TCF12: variants seen among roughly 807,000 people sequenced by gnomAD.
TCF12 encodes the protein DNA-binding protein HTF4.
In TCF12, 45 loss-of-function variants were observed where a neutral mutation model predicts 86.0. The observed-to-expected ratio is 0.52, with a 90% CI of 0.41 to 0.67. The LOEUF is 0.67. Among genes scored for constraint, TCF12 ranks in the 30% least tolerant of loss-of-function variants. The pLI is 0.00. For missense variants in TCF12, 881 were observed against 859.9 expected, an observed-to-expected ratio of 1.02 and a Z score of -0.31; for synonymous variants, 330 against 299.6, an observed-to-expected ratio of 1.10 and a Z score of -1.05.
intron 3 of TCF12, among the ~76,000 whole-genome samples, chr15:57,053,296 T>C (rs1414107409): frequency 6.6e-6 from 1 of 152,226 alleles, no homozygotes; most frequent in Non-Finnish European, 1.5e-5. Context: ...AAATTTGTTG[T>C]CTGTTTTTAA....
chr15:57,204,487 A>G (rs2057713929), intron 8 of TCF12, among the ~76,000 whole-genome samples: 2 of 152,056 alleles, frequency 1.3e-5, no homozygotes, highest in South Asian at 4.2e-4. Flanking sequence ...GAGGTAAGAA[A>G]GTGGTGCCTT....
At chr15:57,186,688 T>C (rs78151464) in intron 6 of TCF12, among the ~76,000 whole-genome samples, 6,894 of 152,256 alleles carry the variant, frequency 0.045, 456 homozygotes, top group African/African-American at 0.15. Flanking sequence ...TTTTTGAATA[T>C]AGATGTAAAA....
intron 5 of TCF12, among the ~76,000 whole-genome samples, chr15:57,128,759 A>G (rs773218460): frequency 6.6e-6 from 1 of 152,180 alleles, no homozygotes; most frequent in Non-Finnish European, 1.5e-5. Context: ...CCTATTCTGG[A>G]TATTGCATAT....
chr15:56,963,851 T>C (rs554159138), intron 3 of TCF12, among the ~76,000 whole-genome samples: 1 of 152,328 alleles, frequency 6.6e-6, no homozygotes, highest in East Asian at 1.9e-4. Flanking sequence ...GCAGCGTTCA[T>C]GTATGTATCG....
chr15:57,134,722 A>T (rs1232974525), intron 5 of TCF12, among the ~76,000 whole-genome samples: 1 of 152,210 alleles, frequency 6.6e-6, no homozygotes, highest in East Asian at 1.9e-4. Context: ...TCAAGATTTA[A>T]ATTTGCTCAT....
At chr15:57,235,920 T>C (rs1423189678) in intron 12 of TCF12, among the ~76,000 whole-genome samples, 2 of 152,130 alleles carry the variant, frequency 1.3e-5, no homozygotes, top group Non-Finnish European at 2.9e-5. Context: ...TCCTTGAGTA[T>C]CTTCCCCTGT....
chr15:57,238,229 A>G (rs1320651406), intron 12 of TCF12, among the ~76,000 whole-genome samples: 1 of 151,966 alleles, frequency 6.6e-6, no homozygotes, highest in African/African-American at 2.4e-5. Flanking sequence ...AGTTTACACC[A>G]GTTTTACATA....
At chr15:56,923,100 TG>T (rs1364067753) in intron 3 of TCF12, among the ~76,000 whole-genome samples, 1 of 152,056 alleles carries the variant, frequency 6.6e-6, no homozygotes, top group African/African-American at 2.4e-5. Context: ...GTTTTGTCTT[TG>T]GAGTAACATT....
At chr15:57,120,160 A>C (rs150396112) in intron 5 of TCF12, among the ~76,000 whole-genome samples, 15 of 152,244 alleles carry the variant, frequency 9.9e-5, no homozygotes, top group South Asian at 2.1e-4. Context: ...TGCGTTGACT[A>C]CTCGGATGTA....
chr15:57,251,468 T>C, intron 14 of TCF12, 45 bp downstream of exon 14: 1 of 1,590,488 alleles, frequency 6.3e-7, no homozygotes, highest in Non-Finnish European at 8.6e-7. Flanking sequence ...GCTTAGAGTT[T>C]GTTTGTTTTT....
intron 19 of TCF12, among the ~76,000 whole-genome samples, chr15:57,281,308 T>C (rs2061675816): frequency 6.6e-6 from 1 of 152,202 alleles, no homozygotes; most frequent in South Asian, 2.1e-4. Flanking sequence ...GCAGAGGTTT[T>C]TACCACCCTT....
rs1182449633 is a variant in TCF12, at chr15:57,122,748, AT to A, written c.325+30860del. On this transcript the variant is annotated intron_variant, in intron 5 of 20. Coordinates refer to ENST00000333725, the MANE Select transcript of TCF12 (RefSeq NM_207037.2). ...GAATGTATCTGTTAAATACAATTAA[AT>A]TTGGAATGCAGTATTTAGAAAAATG... Among the ~76,000 whole-genome samples, 4 of 152,330 alleles carry A rather than the reference AT, an allele frequency of 2.6e-5. 1 individual carries two copies. The East Asian group carries it at 7.7e-4, about 29-fold the overall frequency.
chr15:57,176,443 A>T (rs1237360862), intron 6 of TCF12, among the ~76,000 whole-genome samples: 1 of 152,254 alleles, frequency 6.6e-6, no homozygotes, highest in South Asian at 2.1e-4. Flanking sequence ...ATTGCAGGCC[A>T]GTTAGCTAGG....
At position 57,087,101 on chromosome 15, in the gene TCF12, C is replaced by G. The variant is rs1337184613; in HGVS notation, c.223-4688C>G. Among the ~76,000 whole-genome samples, 640 of 150,122 alleles carry G rather than the reference C, an allele frequency of 4.3e-3. 7 individuals carry two copies. Among genetic ancestry groups the G allele is most frequent in the African/African-American group, 0.014 (587 of 40,604 alleles). On this transcript the variant is annotated intron_variant, in intron 4 of 20. Transcript: ENST00000333725. The stretch of plus-strand genomic sequence containing the variant: ...CCTCTGTCTCCCTCTGTCTCCCTCT[C>G]TCTCCCTCTCCCTCTCCCTACCCCC...
At chr15:57,048,423 G>A (rs917975551) in intron 3 of TCF12, among the ~76,000 whole-genome samples, 4 of 152,000 alleles carry the variant, frequency 2.6e-5, no homozygotes, top group Non-Finnish European at 4.4e-5. Flanking sequence ...CACCACGCCC[G>A]GCTAATTTTT....
Position 57,071,559 on chromosome 15 carries a change from C to T in TCF12, c.222+7736C>T, listed in dbSNP as rs146246515. 1.4e-4 allele frequency among the ~76,000 whole-genome samples: 22 copies of T among 152,070 alleles called. No homozygotes were observed. In the East Asian group the frequency reaches 3.5e-3, roughly 24 times the overall value. On this transcript the variant is annotated intron_variant, in intron 4 of 20. Coordinates refer to ENST00000333725, the MANE Select transcript of TCF12 (RefSeq NM_207037.2). Reference sequence around the variant, plus strand: ...CTCAGGCAGGAGAATCTCTAGAGCCCGGGAGGCGGAGGTTAGAATGAGCCT... The same window carrying T: ...CTCAGGCAGGAGAATCTCTAGAGCCTGGGAGGCGGAGGTTAGAATGAGCCT...
intron 5 of TCF12, among the ~76,000 whole-genome samples, chr15:57,099,343 G>T (rs2733194): frequency 0.066 from 9,985 of 152,162 alleles, 837 homozygotes; most frequent in African/African-American, 0.19. Context: ...GAGTACTCCT[G>T]TATGGACTCA....
chr15:57,220,751 T>A (rs55893857), intron 8 of TCF12, among the ~76,000 whole-genome samples: 7,966 of 152,160 alleles, frequency 0.052, 271 homozygotes, highest in South Asian at 0.078. Flanking sequence ...CTTTGTAAGA[T>A]ACTTGATAAA....
intron 3 of TCF12, among the ~76,000 whole-genome samples, chr15:57,003,866 C>A (rs1302508560): frequency 1.3e-5 from 2 of 152,188 alleles, no homozygotes; most frequent in African/African-American, 2.4e-5. Context: ...TCACCTTCTT[C>A]CTCTCTCCTC....
Sources: gnomAD v4.1 joint callset for allele counts (sites outside exome capture counted in the v4.1 genomes callset) on GRCh38, gnomAD v4.1.1 for gene constraint, MANE v1.5 for transcripts, NCBI Gene and HGNC (gene_info 2026-07-23, HGNC 2026-07-21) for gene names.